The following RSF1 variants were observed in gnomAD, a reference collection of about 807,000 sequenced individuals.
The protein encoded by RSF1 is remodeling and spacing factor 1.
RSF1 carries 13 observed loss-of-function variants against 145.2 expected under a neutral mutation model. The ratio of observed to expected loss-of-function variants is 0.09; its 90% confidence interval spans 0.06 to 0.14. RSF1 has a LOEUF of 0.14. Ranked by LOEUF, RSF1 falls within the 10% of genes least tolerant of loss-of-function variation. RSF1 has a pLI of 1.00. For missense variants in RSF1, 1,517 were observed against 1,718.2 expected (o/e 0.88, Z 2.07); for synonymous variants, 577 against 592.6 (o/e 0.97, Z 0.38).
chr11:77,845,719 C>T, the RSF1 span, among the ~76,000 whole-genome samples: 1 of 152,150 alleles, frequency 6.6e-6, no homozygotes, highest in East Asian at 1.9e-4. Flanking sequence ...TGAGCCACCA[C>T]ACCTAGCCCA....
At chr11:77,695,482 C>A (rs1424655463) in intron 7 of RSF1, among the ~76,000 whole-genome samples, 1 of 152,086 alleles carries the variant, frequency 6.6e-6, no homozygotes, top group Non-Finnish European at 1.5e-5. Context: ...GGGCTACAAT[C>A]CAAAGCTATC....
upstream of RSF1, among the ~76,000 whole-genome samples, chr11:77,825,684 T>C (rs1949136396): frequency 6.6e-6 from 1 of 151,782 alleles, no homozygotes. Context: ...AGTGTCTTAC[T>C]ACCCATTTTT....
intron 4 of RSF1, among the ~76,000 whole-genome samples, chr11:77,728,593 AGGGAAGGGAAGGGAAGG>A (rs1961117081): frequency 6.6e-6 from 1 of 151,276 alleles, no homozygotes; most frequent in South Asian, 2.1e-4. Flanking sequence ...GGAAGGAAAA[AGGGAAGGGAAGGGAAGG>A]GAGAAGGGAG....
At chr11:77,735,358 CT>C (rs1156990372) in intron 4 of RSF1, among the ~76,000 whole-genome samples, 1 of 151,910 alleles carries the variant, frequency 6.6e-6, no homozygotes, top group African/African-American at 2.4e-5. Context: ...AAAATTATCC[CT>C]TTTTGGTGGA....
At chr11:77,765,894 C>T (rs1331300437) in intron 1 of RSF1, among the ~76,000 whole-genome samples, 1 of 152,042 alleles carries the variant, frequency 6.6e-6, no homozygotes, top group South Asian at 2.1e-4. Context: ...ATTACAGGTG[C>T]CCACCACTAC....
At chr11:77,768,884 A>G (rs1409239617) in intron 1 of RSF1, among the ~76,000 whole-genome samples, 4 of 152,188 alleles carry the variant, frequency 2.6e-5, no homozygotes, top group Non-Finnish European at 5.9e-5. Context: ...GAAATGTTCT[A>G]TATCTACACT....
the RSF1 span, among the ~76,000 whole-genome samples, chr11:77,832,967 G>A: frequency 8.1e-5 from 4 of 49,388 alleles, no homozygotes; most frequent in Non-Finnish European, 1.5e-4. Context: ...GTGTGTGTGT[G>A]TGTGTGTGTG....
the RSF1 span, among the ~76,000 whole-genome samples, chr11:77,848,797 G>A: frequency 6.6e-5 from 10 of 151,570 alleles, no homozygotes; most frequent in Admixed American, 3.9e-4. Flanking sequence ...ACTACATATT[G>A]TTATCCTCTT....
At chr11:77,820,729 T>TGGA (rs1565191795), upstream of RSF1, 4 of 1,542,428 alleles carry the variant, frequency 2.6e-6, no homozygotes, top group Admixed American at 4.0e-5. Context: ...AACTGGAGGA[T>TGGA]GGAGGAGGAG....
rs966158115 is a variant in RSF1, at chr11:77,665,455, G to A, written c.*1462C>T. 6.6e-6 allele frequency: 1 copy of A among 152,166 alleles called. No individual in the cohort carries two copies. The highest frequency in any genetic ancestry group is 1.5e-5 in the Non-Finnish European group (1 of 68,032). The allele number at this position is 152,166 out of a possible 1,614,324, so 9.4% of individuals were successfully genotyped here. The stretch of plus-strand genomic sequence containing the variant: ...AGTGCTACACTCTGTACAATGTTAT[G>A]GCTCTGCCTGAAATTTTACAGCTAT... On this transcript the variant is annotated 3_prime_UTR_variant, in exon 16 of 16. Coordinates refer to ENST00000308488, the MANE Select transcript of RSF1 (RefSeq NM_016578.4).
chr11:77,849,178 A>G, the RSF1 span, among the ~76,000 whole-genome samples: 2 of 151,736 alleles, frequency 1.3e-5, no homozygotes, highest in South Asian at 4.2e-4. Flanking sequence ...CTGGGACCAC[A>G]GGCAATTGCC....
intron 6 of RSF1, among the ~76,000 whole-genome samples, chr11:77,699,044 T>C (rs1463696193): frequency 1.3e-5 from 2 of 152,242 alleles, no homozygotes. Flanking sequence ...TTTTTCACTT[T>C]CGTCAACAAT....
At chr11:77,681,397 T>C (rs1006297234) in intron 11 of RSF1, among the ~76,000 whole-genome samples, 1 of 152,210 alleles carries the variant, frequency 6.6e-6, no homozygotes, top group Non-Finnish European at 1.5e-5. Context: ...CATGCTTATG[T>C]GCAATTTCCT....
chr11:77,741,007 C>T, intron 3 of RSF1, 71 bp from the exon 4 acceptor site: 1 of 1,134,672 alleles, frequency 8.8e-7, no homozygotes, highest in Non-Finnish European at 1.3e-6. Context: ...TATGATACAA[C>T]CGTAGAATTG....
chr11:77,863,088 G>A, the RSF1 span, among the ~76,000 whole-genome samples: 5 of 152,052 alleles, frequency 3.3e-5, no homozygotes, highest in African/African-American at 9.7e-5. Context: ...TTGGCCTCAC[G>A]GATTCCAAGG....
rs539621019 is a variant in RSF1 at position 77,690,804 on chromosome 11, A to G, written c.2900+355T>C. On this transcript the variant is annotated intron_variant, in intron 9 of 15. Transcript: ENST00000308488. ...AAGCATGCAATCTTGGCAGGTCATA[A>G]GGTCTCTGTTCCAACTACTCAATGC... Among the ~76,000 whole-genome samples, 8 of 152,376 alleles carry G rather than the reference A, an allele frequency of 5.3e-5. No individual in the cohort carries two copies. In the South Asian group the frequency reaches 1.7e-3, roughly 32 times the overall value.
At chr11:77,820,430 G>A (rs904369405) in intron 1 of RSF1, 98 bp downstream of exon 1, 9 of 1,274,226 alleles carry the variant, frequency 7.1e-6, no homozygotes, top group African/African-American at 1.5e-5. Context: ...ACAGAGCCGC[G>A]GAGGCCCGAG....
chr11:77,693,331 A>G (rs1245419060), intron 8 of RSF1, among the ~76,000 whole-genome samples, 176 bp downstream of exon 8: 1 of 151,990 alleles, frequency 6.6e-6, no homozygotes, highest in African/African-American at 2.4e-5. Flanking sequence ...CTGCTTTGGG[A>G]AAAAAAACAA....
the RSF1 span, among the ~76,000 whole-genome samples, chr11:77,852,784 A>G: frequency 6.6e-6 from 1 of 152,090 alleles, no homozygotes. Context: ...CCCATTTTCC[A>G]TACGCAAAAG....
Sources: allele counts gnomAD v4.1 joint callset (sites outside exome capture counted in the v4.1 genomes callset), GRCh38; gene constraint gnomAD v4.1.1; transcripts MANE v1.5; gene names NCBI Gene and HGNC (gene_info 2026-07-23, HGNC 2026-07-21).